The following JADE1 variants were observed in gnomAD, a reference collection of about 807,000 sequenced individuals.
JADE1 encodes protein Jade-1.
In JADE1, 14 loss-of-function variants were observed where a neutral mutation model predicts 81.8. The ratio of observed to expected loss-of-function variants is 0.17; its 90% confidence interval spans 0.11 to 0.27. The LOEUF (loss-of-function observed/expected upper bound fraction) is 0.27, where lower values mean the gene tolerates loss of function less well. Among genes scored for constraint, JADE1 ranks in the 10% least tolerant of loss-of-function variants. The pLI, the probability that JADE1 is intolerant of heterozygous loss-of-function variation, is 1.00. For synonymous variants in JADE1, 353 were observed against 391.9 expected, an observed-to-expected ratio of 0.90 and a Z score of 1.17; for missense variants, 690 against 1,047.9, an observed-to-expected ratio of 0.66 and a Z score of 4.71.
intron 5 of JADE1, among the ~76,000 whole-genome samples, chr4:128,850,309 T>A (rs1295728584): frequency 1.7e-5 from 1 of 59,320 alleles, no homozygotes; most frequent in Admixed American, 1.7e-4. Context: ...CCAGACTCCA[T>A]CTCAAAAAAA....
chr4:128,838,363 A>G (rs1209270948), intron 2 of JADE1, among the ~76,000 whole-genome samples: 3 of 152,252 alleles, frequency 2.0e-5, no homozygotes, highest in African/African-American at 4.8e-5. Flanking sequence ...ACTTTAGGTA[A>G]TAATTTTACC....
At chr4:128,855,937 A>G in intron 7 of JADE1, 140 bp downstream of exon 7, 1 of 617,014 alleles carries the variant, frequency 1.6e-6, no homozygotes. Flanking sequence ...CTCCCACCTC[A>G]GCCTTTTGAG....
intron 9 of JADE1, 122 bp from the exon 10 acceptor site, chr4:128,867,734 G>A (rs1731886533): frequency 1.8e-6 from 1 of 552,790 alleles, no homozygotes. Context: ...AGTACCTATT[G>A]ATTTCAAGTA....
chr4:128,846,542 C>A lies in JADE1; in HGVS notation c.296+10C>A. The A allele has an allele frequency of 6.2e-7, 1 of 1,613,666 alleles. No individual in the cohort carries two copies. Among genetic ancestry groups the A allele is most frequent in the Non-Finnish European group, 8.5e-7 (1 of 1,179,816 alleles). On this transcript the variant is annotated intron_variant, in intron 4 of 10. Coordinates refer to ENST00000226319, the MANE Select transcript of JADE1 (RefSeq NM_199320.4). This position sits in a 1 kb window ranked among gnomAD's most constrained non-coding sequence, Gnocchi z 4.0. The stretch of plus-strand genomic sequence containing the variant: ...CTCAGCCTGTGGCCAGGTAGAGATG[C>A]CCTGAGGACAGAAGCCTCTCCACCC...
intron 1 of JADE1, 106 bp downstream of exon 1, chr4:128,809,983 C>T: frequency 6.4e-6 from 1 of 155,426 alleles, no homozygotes; most frequent in Non-Finnish European, 1.4e-5. Context: ...GCGGCGGCGA[C>T]GGCGGCGGCG....
chr4:128,837,536 T>A (rs980243652), intron 2 of JADE1, among the ~76,000 whole-genome samples: 1 of 152,232 alleles, frequency 6.6e-6, no homozygotes, highest in East Asian at 1.9e-4. Context: ...ATGACAGTTA[T>A]ATCAGATGCT....
rs1264959321 is a variant in JADE1 at position 128,871,978 on chromosome 4, G to A, written c.2245G>A (p.Gly749Arg). Residue 749 changes from glycine (G) to arginine (R), a missense_variant, in exon 11 of 11, where the codon GGA (glycine) becomes AGA (arginine). Physicochemically the swap from Gly to Arg is moderately radical, Grantham distance 125. This residue lies in a region of JADE1 where 218 missense variants were observed against 274.3 expected (regional missense o/e 0.79). Transcript: ENST00000226319. The surrounding 1 kb of genome is among the most constrained non-coding windows in gnomAD (Gnocchi z 4.1). ...ACCTGCCAGCCCAGTGAAAAACTGG[G>A]GAGGATTCCGGATTCCAAAGAAGGG... ...TTPASPVKNW[G>R]GFRIPKKGER... 1.5e-5 allele frequency: 24 copies of A among 1,613,838 alleles called. No individual in the cohort carries two copies. The highest frequency in any genetic ancestry group is 1.9e-5 in the Non-Finnish European group (23 of 1,179,930).
At chr4:128,840,090 CT>C (rs1040616636) in intron 2 of JADE1, among the ~76,000 whole-genome samples, 40 of 152,288 alleles carry the variant, frequency 2.6e-4, no homozygotes, top group African/African-American at 9.4e-4. Context: ...CTTTGTATAT[CT>C]GTTTTTAAAA....
chr4:128,861,889 T>C lies in JADE1; in HGVS notation c.1167T>C (p.Pro389=), dbSNP rs934655138. The C allele has an allele frequency of 2.4e-5, 38 of 1,614,044 alleles. No homozygotes were observed. The highest frequency in any genetic ancestry group is 3.2e-5 in the Non-Finnish European group (38 of 1,179,928). The change falls in exon 9 of 11, where the codon CCT becomes CCC. Residue 389 remains proline, a synonymous_variant. Transcript: ENST00000226319. ...GGGCTGCACAGGAGAATGGGGCCCC[T>C]GAGTGTTCCCCCCGGAATCCGCTGG... ...GKGAAQENGA[P]ECSPRNPLEP...
Position 128,873,054 on chromosome 4 carries a change from C to T in JADE1, c.*792C>T, listed in dbSNP as rs1579259178. ...CCAGTCCACTTGACCTTCTTCTTCCCTAACCACTGGCTCTTGAGCCAGCTT... is the reference window on the plus strand; with the variant it reads ...CCAGTCCACTTGACCTTCTTCTTCCTTAACCACTGGCTCTTGAGCCAGCTT... On this transcript the variant is annotated 3_prime_UTR_variant, in exon 11 of 11. Coordinates refer to ENST00000226319, the MANE Select transcript of JADE1 (RefSeq NM_199320.4). 1 of 371,390 alleles carries T rather than the reference C, an allele frequency of 2.7e-6. No homozygotes were observed. The highest frequency in any genetic ancestry group is 5.5e-6 in the Non-Finnish European group (1 of 181,502). 23.0% of individuals were successfully genotyped at this position (371,390 alleles called of 1,614,324 possible).
chr4:128,857,289 A>G (rs774689744), intron 7 of JADE1, 49 bp from the exon 8 acceptor site: 2 of 1,353,914 alleles, frequency 1.5e-6, no homozygotes, highest in Non-Finnish European at 1.1e-6. Context: ...ATTCATGTTC[A>G]GCCTTTGACG....
chr4:128,846,254 T>G lies in JADE1; in HGVS notation c.139-121T>G. 3 of 998,742 alleles carry G rather than the reference T, an allele frequency of 3.0e-6. No individual in the cohort carries two copies. In the Admixed American group the frequency reaches 6.1e-5, roughly 20 times the overall value. 61.9% of individuals were successfully genotyped at this position (998,742 alleles called of 1,614,324 possible). A position where few individuals can be genotyped will look rare whatever the true frequency, so the allele number is the denominator to read the frequency against. ...AAAGTTTTTCTGTAATAGGTCAGGC[T>G]TGTTCTATGTTGATACAGTGACCTT... On this transcript the variant is annotated intron_variant, in intron 3 of 10. Transcript: ENST00000226319. This position sits in a 1 kb window ranked among gnomAD's most constrained non-coding sequence, Gnocchi z 4.0.
intron 6 of JADE1, among the ~76,000 whole-genome samples, chr4:128,853,844 G>A (rs1157930541): frequency 6.6e-6 from 1 of 152,152 alleles, no homozygotes; most frequent in African/African-American, 2.4e-5. Context: ...GACCTCCCCA[G>A]CTGTGGCCCA....
intron 1 of JADE1, among the ~76,000 whole-genome samples, chr4:128,821,956 A>G (rs894637078): frequency 3.9e-5 from 6 of 152,214 alleles, no homozygotes; most frequent in Non-Finnish European, 5.9e-5. Context: ...GAAGTATGTG[A>G]TGACCTAATC....
At chr4:128,820,205 G>A (rs1186317910) in intron 1 of JADE1, among the ~76,000 whole-genome samples, 1 of 151,750 alleles carries the variant, frequency 6.6e-6, no homozygotes, top group African/African-American at 2.4e-5. Context: ...TCCATCTCCT[G>A]GGTTCATGCA....
chr4:128,842,146 T>C (rs753484708), intron 2 of JADE1, among the ~76,000 whole-genome samples: 1 of 152,230 alleles, frequency 6.6e-6, no homozygotes, highest in Admixed American at 6.5e-5. Context: ...TCTCTTCTTA[T>C]GGCACTATGC....
At chr4:128,832,500 C>G (rs187879958) in intron 2 of JADE1, among the ~76,000 whole-genome samples, 4 of 152,306 alleles carry the variant, frequency 2.6e-5, no homozygotes, top group Middle Eastern at 3.4e-3. Flanking sequence ...AGCCCGTTAG[C>G]TTATGTTTTA....
intron 9 of JADE1, among the ~76,000 whole-genome samples, chr4:128,866,214 G>T (rs1210734520): frequency 6.6e-6 from 1 of 152,218 alleles, no homozygotes; most frequent in Non-Finnish European, 1.5e-5. Context: ...TAACTAGGCT[G>T]ATTGACATCC....
chr4:128,848,923 A>T, intron 4 of JADE1, 57 bp from the exon 5 acceptor site: 1 of 1,568,806 alleles, frequency 6.4e-7, no homozygotes, highest in Non-Finnish European at 8.7e-7. Flanking sequence ...CTTGTGGCAC[A>T]CTTCATTGTC....
Sources: gnomAD v4.1 joint callset for allele counts (sites outside exome capture counted in the v4.1 genomes callset) on GRCh38, gnomAD v4.1.1 for gene constraint, gnomAD v4.1.1 regional missense constraint, Gnocchi (gnomAD v3.1) non-coding constraint, MANE v1.5 for transcripts, NCBI Gene and HGNC (gene_info 2026-07-23, HGNC 2026-07-21) for gene names.